The following KIAA0753 variants were observed in gnomAD, a reference collection of about 807,000 sequenced individuals.
KIAA0753 encodes KIAA0753, also known as protein moonraker.
KIAA0753 carries 114 observed loss-of-function variants against 116.9 expected under a neutral mutation model. The observed-to-expected ratio is 0.98, with a 90% confidence interval of 0.84 to 1.14. KIAA0753 has a LOEUF of 1.14. Ranked by LOEUF, KIAA0753 falls within the 50% of genes most tolerant of loss-of-function variation. KIAA0753 has a pLI of 0.00. For missense variants in KIAA0753, 1,156 were observed against 1,172.4 expected, an observed-to-expected ratio of 0.99 and a Z score of 0.20; for synonymous variants, 405 against 413.1, an observed-to-expected ratio of 0.98 and a Z score of 0.24.
chr17:6,627,504 G>A (rs1325705441), intron 3 of KIAA0753, among the ~76,000 whole-genome samples: 2 of 151,860 alleles, frequency 1.3e-5, no homozygotes, highest in African/African-American at 4.8e-5. Context: ...TGTTAGTTAC[G>A]GTAACCCCAA....
At chr17:6,613,539 A>C (rs1970689021) in intron 7 of KIAA0753, among the ~76,000 whole-genome samples, 1 of 152,208 alleles carries the variant, frequency 6.6e-6, no homozygotes, top group African/African-American at 2.4e-5. Flanking sequence ...CTTAGTGATA[A>C]AACATTAAAG....
chr17:6,599,342 T>C lies in KIAA0753; in HGVS notation c.2089-22A>G, dbSNP rs1214375489. 2.7e-6 allele frequency: 4 copies of C among 1,491,106 alleles called. No homozygotes were observed. The East Asian group carries it at 9.0e-5, about 34-fold the overall frequency. The allele number at this position is 1,491,106 out of a possible 1,614,324, so 92.4% of individuals were successfully genotyped here. A position where few individuals can be genotyped will look rare whatever the true frequency, so the allele number is the denominator to read the frequency against. On this transcript the variant is annotated intron_variant, in intron 13 of 18. Transcript: ENST00000361413. ...CTCTCTATTAAAACAGACAAATACA[T>C]TCATGGAGTATAAAGACTTATAGCT...
intron 3 of KIAA0753, among the ~76,000 whole-genome samples, chr17:6,626,974 G>A (rs1370810832): frequency 6.6e-6 from 1 of 152,240 alleles, no homozygotes; most frequent in East Asian, 1.9e-4. Context: ...TGACACTAAG[G>A]AATATCAAGA....
At chr17:6,591,137 T>C (rs972726552) in intron 16 of KIAA0753, among the ~76,000 whole-genome samples, 1 of 152,010 alleles carries the variant, frequency 6.6e-6, no homozygotes, top group Non-Finnish European at 1.5e-5. Context: ...ACTTAATTAG[T>C]TGATTTAATT....
At chr17:6,626,689 G>C (rs924988480) in intron 3 of KIAA0753, among the ~76,000 whole-genome samples, 1 of 152,194 alleles carries the variant, frequency 6.6e-6, no homozygotes, top group Non-Finnish European at 1.5e-5. Flanking sequence ...TGAAAGGTAA[G>C]TACAGAAATT....
chr17:6,619,433 CT>C (rs967732427), intron 7 of KIAA0753, among the ~76,000 whole-genome samples: 49 of 147,636 alleles, frequency 3.3e-4, no homozygotes, highest in Admixed American at 3.4e-4. Flanking sequence ...GTAAGTTCTA[CT>C]TTTTTTTTTT....
rs375056361 is a variant in KIAA0753 at position 6,628,770 on chromosome 17, C to T, written c.94-29G>A. The T allele has an allele frequency of 2.6e-6, 4 of 1,547,366 alleles. No homozygotes were observed. The African/African-American group carries it at 5.5e-5, about 21-fold the overall frequency. On this transcript the variant is annotated intron_variant, in intron 2 of 18. Transcript: ENST00000361413. Reference sequence around the variant, plus strand: ...TAAAAAGCAAATAAAAGTAAGCAGACATCAGAAAAATTTCATATTGCACAG... The same window carrying T: ...TAAAAAGCAAATAAAAGTAAGCAGATATCAGAAAAATTTCATATTGCACAG...
In KIAA0753 at chr17:6,594,955, C is replaced by A; in HGVS notation, c.2440+17G>T. 1 of 1,582,352 alleles carries A rather than the reference C, an allele frequency of 6.3e-7. No homozygotes were observed. The highest frequency in any genetic ancestry group is 2.2e-5 in the East Asian group (1 of 44,712). Reference sequence around the variant, plus strand: ...TCAGAATAAAATGTTAGGGGAAAAACATGGGGAAACACTCACCATTGTTTT... The same window carrying A: ...TCAGAATAAAATGTTAGGGGAAAAAAATGGGGAAACACTCACCATTGTTTT... On this transcript the variant is annotated intron_variant, in intron 16 of 18. Transcript: ENST00000361413.
chr17:6,609,728 G>T (rs1970409489), intron 9 of KIAA0753, among the ~76,000 whole-genome samples: 1 of 152,170 alleles, frequency 6.6e-6, no homozygotes, highest in African/African-American at 2.4e-5. Flanking sequence ...GTGAAGGGAA[G>T]CCCCCCATCT....
At position 6,628,313 on chromosome 17, in the gene KIAA0753, G is replaced by T; in HGVS notation, c.522C>A (p.Tyr174Ter). 6.2e-7 allele frequency: 1 copy of T among 1,614,114 alleles called. No individual in the cohort carries two copies. Among genetic ancestry groups the T allele is most frequent in the Non-Finnish European group, 8.5e-7 (1 of 1,180,028 alleles). ...VEISSSGAKV[Y>*]LYSSHPGQSD... ...ACTGGCCTGGATGAGATGAGTAAAG[G>T]TATACTTTGGCACCAGAGCTGGAGA... Residue 174 changes from tyrosine to a stop codon, truncating the protein, a stop_gained, in exon 3 of 19, where the codon TAC (tyrosine) becomes TAA (stop). Transcript: ENST00000361413. LOFTEE classifies it high-confidence loss of function.
chr17:6,612,055 G>A lies in KIAA0753; in HGVS notation c.1409C>T (p.Pro470Leu), dbSNP rs747290977. 7.4e-6 allele frequency: 12 copies of A among 1,614,016 alleles called. No individual in the cohort carries two copies. The Admixed American group carries it at 2.0e-4, about 27-fold the overall frequency. The change falls in exon 8 of 19, where the codon CCA (proline) becomes CTA (leucine). Residue 470 changes from proline to leucine, a missense_variant. Physicochemically the swap from Pro to Leu is moderately conservative, Grantham distance 98. Transcript: ENST00000361413. ...GCTTGCACTTTGGTCTAGAATAAATGGTCCTTCTTCCAGAACTATATCCGC... is the reference window on the plus strand; with the variant it reads ...GCTTGCACTTTGGTCTAGAATAAATAGTCCTTCTTCCAGAACTATATCCGC... ...LDADIVLEEG[P>L]FILDQSASFK...
At chr17:6,611,832 G>C (rs1396814930) in intron 8 of KIAA0753, 87 bp downstream of exon 8, 1 of 1,042,970 alleles carries the variant, frequency 9.6e-7, no homozygotes, top group African/African-American at 1.6e-5. Flanking sequence ...AATTGCCTGA[G>C]AACTGGCTCC....
intron 16 of KIAA0753, among the ~76,000 whole-genome samples, chr17:6,591,647 G>A (rs1260683589): frequency 6.6e-6 from 1 of 152,222 alleles, no homozygotes; most frequent in African/African-American, 2.4e-5. Flanking sequence ...GTCACAGATA[G>A]TGACTAATAA....
chr17:6,636,089 A>G (rs766668704), intron 1 of KIAA0753: 11 of 152,180 alleles, frequency 7.2e-5, no homozygotes, highest in Non-Finnish European at 1.6e-4. Context: ...CTCTCAAAAA[A>G]TCCTACAGTA....
At chr17:6,588,883 C>T (rs1312050035) in intron 18 of KIAA0753, among the ~76,000 whole-genome samples, 1 of 152,068 alleles carries the variant, frequency 6.6e-6, no homozygotes, top group Non-Finnish European at 1.5e-5. Context: ...CTACCTTACC[C>T]ACATAAAGAA....
chr17:6,609,681 G>A (rs768129089), intron 9 of KIAA0753, among the ~76,000 whole-genome samples: 3 of 152,158 alleles, frequency 2.0e-5, no homozygotes, highest in Non-Finnish European at 4.4e-5. Flanking sequence ...ACAGTCCCTG[G>A]CCTCAAGTTA....
chr17:6,592,063 G>T (rs1001596807), intron 16 of KIAA0753, among the ~76,000 whole-genome samples: 12 of 152,240 alleles, frequency 7.9e-5, no homozygotes, highest in African/African-American at 2.9e-4. Flanking sequence ...AGCACAGGCC[G>T]AGTAGGATCA....
At chr17:6,621,832 C>T (rs754723069) in intron 6 of KIAA0753, among the ~76,000 whole-genome samples, 2 of 152,034 alleles carry the variant, frequency 1.3e-5, no homozygotes, top group Admixed American at 6.6e-5. Context: ...CTTACGGATA[C>T]GTTAAAAAAG....
In KIAA0753 at chr17:6,628,485, A is replaced by C. The variant is rs539780176; in HGVS notation, c.350T>G (p.Ile117Arg). ...DVKRRQFEKH[I>R]KEHHLRSQPQ... ...CTGACTTCTGAGATGATGTTCTTTTATATGTTTTTCAAATTGTCTTCGTTT... is the reference window on the plus strand; with the variant it reads ...CTGACTTCTGAGATGATGTTCTTTTCTATGTTTTTCAAATTGTCTTCGTTT... The change falls in exon 3 of 19, where the codon ATA becomes AGA. Residue 117 changes from isoleucine (I) to arginine (R), a missense_variant. Physicochemically the swap from Ile to Arg is moderately conservative, Grantham distance 97. Transcript: ENST00000361413. The C allele has an allele frequency of 6.2e-7, 1 of 1,614,112 alleles. No homozygotes were observed. The highest frequency in any genetic ancestry group is 1.7e-5 in the Admixed American group (1 of 60,008).
Sources: gnomAD v4.1 joint callset for allele counts (sites outside exome capture counted in the v4.1 genomes callset) on GRCh38, gnomAD v4.1.1 for gene constraint, MANE v1.5 for transcripts, NCBI Gene and HGNC (gene_info 2026-07-23, HGNC 2026-07-21) for gene names.